MEGF10: variants seen among roughly 807,000 people sequenced by gnomAD.
MEGF10 encodes multiple epidermal growth factor-like domains protein 10.
In MEGF10, 86 loss-of-function variants were observed where a neutral mutation model predicts 147.5. The observed-to-expected ratio is 0.58, with a 90% CI of 0.49 to 0.70. The LOEUF is 0.70. MEGF10 is among the 30% of genes least tolerant of loss of function. The probability of loss-of-function intolerance (pLI) is 0.00; values close to 1 mark genes in which losing one functional copy is unlikely to be tolerated. For synonymous variants in MEGF10, 478 were observed against 525.5 expected, an observed-to-expected ratio of 0.91 and a Z score of 1.24; for missense variants, 1,329 against 1,487.3, an observed-to-expected ratio of 0.89 and a Z score of 1.75.
At chr5:127,418,988 T>G (rs1375952910) in intron 10 of MEGF10, 132 bp from the exon 11 acceptor site, 3 of 1,158,534 alleles carry the variant, frequency 2.6e-6, no homozygotes, top group Non-Finnish European at 3.6e-6. Flanking sequence ...TATGACAAAA[T>G]TTTAAAAATA....
intron 1 of MEGF10, among the ~76,000 whole-genome samples, chr5:127,311,305 C>T (rs1266918474): frequency 1.3e-5 from 2 of 152,194 alleles, no homozygotes; most frequent in South Asian, 4.1e-4. Flanking sequence ...CATACAATCT[C>T]ATCTTGAAGA....
intron 4 of MEGF10, among the ~76,000 whole-genome samples, chr5:127,362,470 C>A (rs1315075232): frequency 6.6e-6 from 1 of 151,636 alleles, no homozygotes; most frequent in Non-Finnish European, 1.5e-5. Context: ...CCCAGGTTCA[C>A]GCCATTCTCC....
intron 1 of MEGF10, among the ~76,000 whole-genome samples, chr5:127,300,627 T>C (rs1284972138): frequency 6.6e-6 from 1 of 152,126 alleles, no homozygotes; most frequent in African/African-American, 2.4e-5. Context: ...TACACTTCAA[T>C]AAAAAATTCA....
the MEGF10 span, among the ~76,000 whole-genome samples, chr5:127,267,482 G>A: frequency 1.3e-5 from 2 of 152,198 alleles, no homozygotes; most frequent in South Asian, 2.1e-4. Context: ...GATTGGAATA[G>A]TTTCAGAAGG....
At chr5:127,339,053 A>G in intron 2 of MEGF10, 67 bp from the exon 3 acceptor site, 1 of 957,176 alleles carries the variant, frequency 1.0e-6, no homozygotes, top group Non-Finnish European at 1.5e-6. Flanking sequence ...CAAACTTTTA[A>G]ATACATAGTA....
At chr5:127,294,809 A>AATG (rs1759421292) in intron 1 of MEGF10, among the ~76,000 whole-genome samples, 1 of 136,340 alleles carries the variant, frequency 7.3e-6, no homozygotes, top group Admixed American at 7.8e-5. Context: ...AAATAATAAT[A>AATG]ATAATAATAA....
intron 1 of MEGF10, among the ~76,000 whole-genome samples, chr5:127,295,768 A>G (rs1759468822): frequency 6.6e-6 from 1 of 152,212 alleles, no homozygotes; most frequent in Non-Finnish European, 1.5e-5. Flanking sequence ...AATATTGAGG[A>G]CTGCCTTTAC....
the MEGF10 span, among the ~76,000 whole-genome samples, chr5:127,281,777 G>A: frequency 0.39 from 59,144 of 152,090 alleles, 12,149 homozygotes; most frequent in Middle Eastern, 0.53. Context: ...AGGCCTAGCA[G>A]GGGCCCCAGT....
chr5:127,274,902 T>G, the MEGF10 span, among the ~76,000 whole-genome samples: 1 of 152,340 alleles, frequency 6.6e-6, no homozygotes, highest in South Asian at 2.1e-4. Flanking sequence ...TCTTTAGGGA[T>G]CCATATCCCT....
At chr5:127,342,382 A>G (rs1761717619) in intron 4 of MEGF10, among the ~76,000 whole-genome samples, 1 of 152,172 alleles carries the variant, frequency 6.6e-6, no homozygotes, top group Admixed American at 6.5e-5. Flanking sequence ...ACACATTTCT[A>G]TTAACCCAGG....
At chr5:127,406,700 A>C (rs746321515) in intron 8 of MEGF10, among the ~76,000 whole-genome samples, 1 of 152,226 alleles carries the variant, frequency 6.6e-6, no homozygotes, top group Non-Finnish European at 1.5e-5. Context: ...GTAGGCTGGC[A>C]GAGTAGTGCA....
chr5:127,301,264 T>A (rs1759756025), intron 1 of MEGF10, among the ~76,000 whole-genome samples: 1 of 152,176 alleles, frequency 6.6e-6, no homozygotes, highest in African/African-American at 2.4e-5. Context: ...AGAAGACCCT[T>A]GTCCTCCATC....
At chr5:127,365,081 A>G (rs1340808088) in intron 4 of MEGF10, among the ~76,000 whole-genome samples, 1 of 152,208 alleles carries the variant, frequency 6.6e-6, no homozygotes, top group Non-Finnish European at 1.5e-5. Context: ...AGAGAAAATA[A>G]GATTTGTGAC....
chr5:127,345,493 G>A (rs1761851890), intron 4 of MEGF10, among the ~76,000 whole-genome samples: 1 of 152,046 alleles, frequency 6.6e-6, no homozygotes. Context: ...CCTTTTCTTA[G>A]AATGTGATTA....
chr5:127,301,572 T>C (rs927961059), intron 1 of MEGF10, among the ~76,000 whole-genome samples: 1 of 152,142 alleles, frequency 6.6e-6, no homozygotes, highest in Non-Finnish European at 1.5e-5. Flanking sequence ...GATTCTGATG[T>C]TCTGGGTCTA....
Position 127,318,474 on chromosome 5 carries a change from A to G in MEGF10, c.-18-12817A>G, listed in dbSNP as rs374277465. Among the ~76,000 whole-genome samples the G allele has an allele frequency of 1.4e-4, 22 of 152,346 alleles. 1 individual carries two copies. The highest frequency in any genetic ancestry group is 5.3e-4 in the African/African-American group (22 of 41,594). ...ATAAACAGTTTTAAATCATGGGAAC[A>G]TACCAAGTAGCCATGGTTGGCATCA... On this transcript the variant is annotated intron_variant, in intron 1 of 24. Transcript: ENST00000503335.
chr5:127,363,639 A>G (rs1202883943), intron 4 of MEGF10, among the ~76,000 whole-genome samples: 6 of 152,224 alleles, frequency 3.9e-5, no homozygotes, highest in African/African-American at 1.4e-4. Context: ...TAAAGGTTGA[A>G]GGTTAGACAT....
At chr5:127,284,155 A>G in the MEGF10 span, among the ~76,000 whole-genome samples, 1 of 152,188 alleles carries the variant, frequency 6.6e-6, no homozygotes, top group African/African-American at 2.4e-5. Flanking sequence ...GACAAGAGTC[A>G]TACTGGAGAA....
In MEGF10 at chr5:127,378,200, T is replaced by C. The variant is rs114630571; in HGVS notation, c.412+8198T>C. On this transcript the variant is annotated intron_variant, in intron 5 of 24. Coordinates refer to ENST00000503335, the MANE Select transcript of MEGF10 (RefSeq NM_001256545.2). ...GTGATGTTTCTGTGCCTCCCTTTCC[T>C]CATGCTTTGAACAAGGATAAGAATA... Among the ~76,000 whole-genome samples, 682 of 152,280 alleles carry C rather than the reference T, an allele frequency of 4.5e-3. 8 individuals carry two copies. Among genetic ancestry groups the C allele is most frequent in the Admixed American group, 5.8e-3 (88 of 15,304 alleles).
Sources: gnomAD v4.1 joint callset for allele counts (sites outside exome capture counted in the v4.1 genomes callset) on GRCh38, gnomAD v4.1.1 for gene constraint, MANE v1.5 for transcripts, NCBI Gene and HGNC (gene_info 2026-07-23, HGNC 2026-07-21) for gene names.